The following ZNF273 variants were observed in gnomAD, a reference collection of about 807,000 sequenced individuals.
ZNF273 encodes the protein zinc finger protein 273, also known as zinc finger protein 9.
Under a neutral mutation model 14.9 loss-of-function variants are expected in ZNF273, and 11 were observed. The ratio of observed to expected loss-of-function variants is 0.74; its 90% CI spans 0.46 to 1.22. The LOEUF is 1.22. Among genes scored for constraint, ZNF273 ranks in the 50% most tolerant of loss-of-function variants. ZNF273 has a pLI of 0.00. For synonymous variants in ZNF273, 199 were observed against 223.9 expected (o/e 0.89, Z 0.99); for missense variants, 577 against 660.6 (o/e 0.87, Z 1.39).
intron 1 of ZNF273, among the ~76,000 whole-genome samples, chr7:64,915,708 G>A (rs1464102605): frequency 6.6e-6 from 1 of 152,188 alleles, no homozygotes; most frequent in African/African-American, 2.4e-5. Flanking sequence ...TTTGTTTATG[G>A]CCAGTTTTGG....
downstream of ZNF273, among the ~76,000 whole-genome samples, chr7:64,891,089 G>T (rs1792004186): frequency 6.6e-6 from 1 of 152,224 alleles, no homozygotes; most frequent in Non-Finnish European, 1.5e-5. Context: ...AGTCACAGGT[G>T]GGTGAGGTTG....
upstream of ZNF273, among the ~76,000 whole-genome samples, chr7:64,901,555 A>C (rs764969058): frequency 2.6e-5 from 4 of 152,186 alleles, no homozygotes; most frequent in Non-Finnish European, 5.9e-5. Context: ...TCATTGATGT[A>C]GTCAGGTCGT....
At chr7:64,885,432 C>G (rs1237537323) in intron 1 of ZNF273, among the ~76,000 whole-genome samples, 1 of 152,232 alleles carries the variant, frequency 6.6e-6, no homozygotes, top group Non-Finnish European at 1.5e-5. Flanking sequence ...AATTGTACCT[C>G]TTGGTCACAT....
At chr7:64,883,556 G>A (rs111723474), downstream of ZNF273, among the ~76,000 whole-genome samples, 261 of 152,274 alleles carry the variant, frequency 1.7e-3, 1 homozygote, top group Non-Finnish European at 2.7e-3. Flanking sequence ...TGATACAGAA[G>A]GTGCTTCCCA....
chr7:64,882,336 G>GA (rs1791285682), downstream of ZNF273, among the ~76,000 whole-genome samples: 1 of 58 alleles, frequency 0.017, no homozygotes, highest in South Asian at 0.5. Context: ...CCACGGAGAC[G>GA]CCCCAGGAGG....
chr7:64,936,599 A>G, the ZNF273 span, among the ~76,000 whole-genome samples: 12 of 152,362 alleles, frequency 7.9e-5, no homozygotes, highest in East Asian at 2.3e-3. Flanking sequence ...ACCTGGATTC[A>G]TGAAAAATTA....
intron 3 of ZNF273, among the ~76,000 whole-genome samples, chr7:64,922,008 G>A (rs1794499770): frequency 6.6e-6 from 1 of 151,790 alleles, no homozygotes; most frequent in South Asian, 2.1e-4. Flanking sequence ...ACGGAACATA[G>A]ATATTTTCCA....
intron 1 of ZNF273, among the ~76,000 whole-genome samples, chr7:64,912,258 C>G (rs1263302468): frequency 6.6e-6 from 1 of 152,080 alleles, no homozygotes; most frequent in East Asian, 1.9e-4. Context: ...CATGCCTGGC[C>G]ATTTATGTTG....
At chr7:64,885,449 C>T (rs912621049) in intron 1 of ZNF273, among the ~76,000 whole-genome samples, 3 of 152,262 alleles carry the variant, frequency 2.0e-5, no homozygotes, top group Non-Finnish European at 1.5e-5. Flanking sequence ...ACATTTGCTA[C>T]TCATTAAGTC....
At chr7:64,897,300 G>A (rs1316175149) in intron 3 of ZNF273, 1 of 152,210 alleles carries the variant, frequency 6.6e-6, no homozygotes, top group Non-Finnish European at 1.5e-5. Context: ...AAAGAAAAGT[G>A]TGTCTCTCAT....
downstream of ZNF273, among the ~76,000 whole-genome samples, chr7:64,881,667 A>AG (rs1791259310): frequency 6.6e-6 from 1 of 152,108 alleles, no homozygotes; most frequent in Non-Finnish European, 1.5e-5. Context: ...CTTGGCTGCC[A>AG]GGGACTTCAG....
intron 1 of ZNF273, 77 bp from the exon 2 acceptor site, chr7:64,917,504 A>G: frequency 1.3e-6 from 2 of 1,547,600 alleles, no homozygotes; most frequent in Non-Finnish European, 1.8e-6. Flanking sequence ...TTACTTTCGC[A>G]TTCCACCTTG....
intron 2 of ZNF273, among the ~76,000 whole-genome samples, chr7:64,879,085 G>GT (rs1297122176): frequency 6.6e-6 from 1 of 152,224 alleles, no homozygotes. Context: ...CCTTTTGCCT[G>GT]GTAATCTAGG....
chr7:64,899,649 A>G (rs2129051583), upstream of ZNF273, among the ~76,000 whole-genome samples: 1 of 151,794 alleles, frequency 6.6e-6, no homozygotes, highest in Non-Finnish European at 1.5e-5. Context: ...ATGAGACTCC[A>G]TCTCAAAAAA....
exon 3 of ZNF273, chr7:64,879,700 C>A (rs920501393): frequency 3.3e-5 from 5 of 152,220 alleles, no homozygotes; most frequent in Non-Finnish European, 7.3e-5. Flanking sequence ...AAAATTCCAT[C>A]TCAAAGAGAC....
intron 3 of ZNF273, among the ~76,000 whole-genome samples, chr7:64,895,502 C>CA (rs1792316019): frequency 6.6e-6 from 1 of 152,052 alleles, no homozygotes; most frequent in South Asian, 2.1e-4. Context: ...CTTTTCTTTC[C>CA]ATAGTCTTTG....
intron 3 of ZNF273, among the ~76,000 whole-genome samples, chr7:64,927,321 C>T (rs1334181637): frequency 1.3e-5 from 2 of 152,114 alleles, no homozygotes; most frequent in African/African-American, 4.8e-5. Flanking sequence ...AACTCCTGAC[C>T]TTGTGATCTG....
chr7:64,904,760 A>G (rs1792972961), intron 1 of ZNF273, among the ~76,000 whole-genome samples: 1 of 152,320 alleles, frequency 6.6e-6, no homozygotes, highest in African/African-American at 2.4e-5. Flanking sequence ...AGGAGAAGAA[A>G]GCAAAGAATC....
At chr7:64,912,237 G>A (rs921914302) in intron 1 of ZNF273, among the ~76,000 whole-genome samples, 1 of 152,218 alleles carries the variant, frequency 6.6e-6, no homozygotes, top group African/African-American at 2.4e-5. Context: ...GGGATTACAG[G>A]CGTGAGCCAC....
Sources: allele counts gnomAD v4.1 joint callset (sites outside exome capture counted in the v4.1 genomes callset), GRCh38; gene constraint gnomAD v4.1.1; transcripts MANE v1.5; gene names NCBI Gene and HGNC (gene_info 2026-07-23, HGNC 2026-07-21).